Variants in SMARCD3 observed in about 807,000 individuals in gnomAD.
SMARCD3 encodes SWI/SNF-related matrix-associated actin-dependent regulator of chromatin subfamily D member 3.
In SMARCD3, 14 loss-of-function variants were observed where a neutral mutation model predicts 58.0. That is an observed-to-expected ratio of 0.24 (90% confidence interval 0.16 to 0.38). The LOEUF is 0.38. Ranked by LOEUF, SMARCD3 falls within the 10% of genes least tolerant of loss-of-function variation. SMARCD3 has a pLI of 1.00. For synonymous variants in SMARCD3, 253 were observed against 253.8 expected (o/e 1.00, Z 0.03); for missense variants, 408 against 636.9 (o/e 0.64, Z 3.87).
intron 2 of SMARCD3, among the ~76,000 whole-genome samples, chr7:151,271,201 G>A (rs528573209): frequency 5.9e-5 from 9 of 152,264 alleles, no homozygotes; most frequent in South Asian, 2.1e-4. Flanking sequence ...TGCACCAGCC[G>A]CACAATCCCT....
At chr7:151,253,032 T>C (rs755381898), upstream of SMARCD3, among the ~76,000 whole-genome samples, 2 of 152,198 alleles carry the variant, frequency 1.3e-5, no homozygotes, top group African/African-American at 2.4e-5. Context: ...TGTCCCTCAG[T>C]GTCCTCAGAA....
chr7:151,273,639 G>A (rs995997094), intron 2 of SMARCD3, among the ~76,000 whole-genome samples: 1 of 152,240 alleles, frequency 6.6e-6, no homozygotes, highest in Non-Finnish European at 1.5e-5. Context: ...CAGGTGCTGG[G>A]GAGGTGTTGG....
Position 151,245,833 on chromosome 7 carries a change from G to C in SMARCD3, c.79-162C>G. On this transcript the variant is annotated intron_variant, in intron 1 of 12. Coordinates refer to ENST00000262188, the MANE Select transcript of SMARCD3 (RefSeq NM_001003801.2). The surrounding 1 kb of genome is among the most constrained non-coding windows in gnomAD (Gnocchi z 6.2). ...TGGGAGCGATGGGTAGGAGGGGCAG[G>C]GGCGCCGGAATCTGCGCGGCTCTGG... is the stretch of plus-strand genomic sequence containing the variant. 2.6e-6 allele frequency: 1 copy of C among 383,124 alleles called. No homozygotes were observed. Among genetic ancestry groups the C allele is most frequent in the Non-Finnish European group, 4.6e-6 (1 of 216,278 alleles). The allele number at this position is 383,124 out of a possible 1,614,324, so 23.7% of individuals were successfully genotyped here.
In SMARCD3 at chr7:151,240,537, T is replaced by C; in HGVS notation, c.940-15A>G. 1 of 1,581,418 alleles carries C rather than the reference T, an allele frequency of 6.3e-7. No homozygotes were observed. The highest frequency in any genetic ancestry group is 8.7e-7 in the Non-Finnish European group (1 of 1,152,112). ...CAATCAAAAATCTGAAGCAGGACAA[T>C]TGGGGAGAGAGAGATCACTCTTCTT... On this transcript the variant is annotated splice_polypyrimidine_tract_variant and intron_variant, in intron 8 of 12. Coordinates refer to ENST00000262188, the MANE Select transcript of SMARCD3 (RefSeq NM_001003801.2).
At chr7:151,276,845 CA>C, upstream of SMARCD3, 1 of 85,896 alleles carries the variant, frequency 1.2e-5, no homozygotes, top group Non-Finnish European at 2.3e-5. Context: ...GGAAGCCAGG[CA>C]GGGGGAGGAG....
upstream of SMARCD3, among the ~76,000 whole-genome samples, chr7:151,253,411 C>A (rs943224540): frequency 6.6e-6 from 1 of 152,188 alleles, no homozygotes; most frequent in South Asian, 2.1e-4. Context: ...GCAGGGTGGG[C>A]CTTACCTTGG....
intron 2 of SMARCD3, among the ~76,000 whole-genome samples, chr7:151,257,171 G>A (rs369224496): frequency 1.3e-5 from 2 of 152,082 alleles, no homozygotes; most frequent in East Asian, 1.9e-4. Context: ...CATTTTAGGC[G>A]TGAGCCCCTG....
At chr7:151,253,469 G>C (rs1024673030), upstream of SMARCD3, among the ~76,000 whole-genome samples, 2 of 152,176 alleles carry the variant, frequency 1.3e-5, no homozygotes, top group African/African-American at 2.4e-5. Context: ...AAGGTTAGTG[G>C]AATGAATGAG....
upstream of SMARCD3, among the ~76,000 whole-genome samples, chr7:151,251,586 C>T (rs1353145321): frequency 6.6e-6 from 1 of 152,130 alleles, no homozygotes; most frequent in East Asian, 1.9e-4. Flanking sequence ...CCCAGAAGGG[C>T]GCTCGGTGTG....
chr7:151,242,134 T>C lies in SMARCD3; in HGVS notation c.675+3A>G, dbSNP rs775573319. 1.6e-5 allele frequency: 26 copies of C among 1,607,756 alleles called. No individual in the cohort carries two copies. In the Admixed American group the frequency reaches 4.3e-4, roughly 27 times the overall value. ...TCAAGGGCGGAGGGGCTCTTGGTCT[T>C]ACCTCAACGAGGTGGTTGTCAGGGC... On this transcript the variant is annotated splice_donor_region_variant and intron_variant, in intron 6 of 12. Transcript: ENST00000262188. The surrounding 1 kb of genome is among the most constrained non-coding windows in gnomAD (Gnocchi z 4.7).
chr7:151,239,333 G>A lies in SMARCD3; in HGVS notation c.1398+63C>T. On this transcript the variant is annotated intron_variant, in intron 12 of 12. Coordinates refer to ENST00000262188, the MANE Select transcript of SMARCD3 (RefSeq NM_001003801.2). The surrounding 1 kb of genome is among the most constrained non-coding windows in gnomAD (Gnocchi z 7.0). ...GAGCTGCGAGGGCTGCCCACAAGCT[G>A]AACAGGGAGGTTTCTCTTGGAGTTG... 6.9e-7 allele frequency: 1 copy of A among 1,438,960 alleles called. No individual in the cohort carries two copies. The allele number at this position is 1,438,960 out of a possible 1,614,324, so 89.1% of individuals were successfully genotyped here. A position where few individuals can be genotyped will look rare whatever the true frequency, so the allele number is the denominator to read the frequency against.
chr7:151,239,457 C>T lies in SMARCD3; in HGVS notation c.1337G>A (p.Arg446Gln), dbSNP rs147471635. The stretch of plus-strand genomic sequence containing the variant: ...CCAGGGCTGGTGGTAGAACTCAGCC[C>T]GGCGCTCCTCTTCAGGGTTGCCGGC... ...DVAGNPEEER[R>Q]AEFYHQPWSQ... Residue 446 changes from arginine (R) to glutamine (Q), a missense_variant, in exon 12 of 13, where the codon CGG (arginine) becomes CAG (glutamine). By Grantham distance (43) the Arg-to-Gln change is conservative. Around this residue, in one of 4 missense-constraint regions of SMARCD3, gnomAD observed 81 missense variants for 109.7 expected, o/e 0.74. Coordinates refer to ENST00000262188, the MANE Select transcript of SMARCD3 (RefSeq NM_001003801.2). The surrounding 1 kb of genome is among the most constrained non-coding windows in gnomAD (Gnocchi z 7.0). 7.4e-6 allele frequency: 12 copies of T among 1,613,694 alleles called. No individual in the cohort carries two copies. Among genetic ancestry groups the T allele is most frequent in the South Asian group, 5.5e-5 (5 of 91,090 alleles).
rs147080849 is a variant in SMARCD3, at chr7:151,240,619, G to A, written c.940-97C>T. 1.5e-3 allele frequency: 1,353 copies of A among 909,474 alleles called. 21 individuals carry two copies. The East Asian group carries it at 0.033, about 22-fold the overall frequency. The allele number at this position is 909,474 out of a possible 1,614,324, so 56.3% of individuals were successfully genotyped here. A position where few individuals can be genotyped will look rare whatever the true frequency, so the allele number is the denominator to read the frequency against. The stretch of plus-strand genomic sequence containing the variant: ...TGTTCTAGAAAGGCCACAAGAAGCT[G>A]AGAGGAAGTCTGATTCCTCAGTGCG... On this transcript the variant is annotated intron_variant, in intron 8 of 12. Coordinates refer to ENST00000262188, the MANE Select transcript of SMARCD3 (RefSeq NM_001003801.2).
chr7:151,248,771 C>T, upstream of SMARCD3: 3 of 905,872 alleles, frequency 3.3e-6, no homozygotes, highest in East Asian at 6.3e-5. This position sits in a 1 kb window ranked among gnomAD's most constrained non-coding sequence, Gnocchi z 6.1. Flanking sequence ...CCGCCGCCGC[C>T]GCCGCGGCTG....
chr7:151,248,348 C>G lies in SMARCD3; in HGVS notation c.78+137G>C, dbSNP rs219234. On this transcript the variant is annotated intron_variant, in intron 1 of 12. Transcript: ENST00000262188. The surrounding 1 kb of genome is among the most constrained non-coding windows in gnomAD (Gnocchi z 6.1). Reference sequence around the variant, plus strand: ...GTGCCAGGGCGCCAGCACAGTCCCGCGGCCGGGCCGTGGGCCATGACGCCC... The same window carrying G: ...GTGCCAGGGCGCCAGCACAGTCCCGGGGCCGGGCCGTGGGCCATGACGCCC... 714,748 of 754,248 alleles carry G rather than the reference C, an allele frequency of 0.95. 338,993 individuals are homozygous for G. The highest frequency in any genetic ancestry group is 0.97 in the African/African-American group (54,254 of 56,012). The allele number at this position is 754,248 out of a possible 1,614,324, so 46.7% of individuals were successfully genotyped here. A position where few individuals can be genotyped will look rare whatever the true frequency, so the allele number is the denominator to read the frequency against.
intron 2 of SMARCD3, among the ~76,000 whole-genome samples, chr7:151,244,153 A>G (rs539079636): frequency 6.6e-5 from 10 of 152,140 alleles, no homozygotes; most frequent in Non-Finnish European, 1.5e-4. Context: ...ACTCCTTCCT[A>G]TCCATGGAGC....
rs778405721 is a variant in SMARCD3 at position 151,240,246 on chromosome 7, C to T, written c.1039G>A (p.Val347Met). Residue 347 changes from valine to methionine, a missense_variant and splice_region_variant, in exon 10 of 13, where the codon GTG becomes ATG. Val to Met is a conservative substitution (Grantham distance 21). This residue lies in a region of SMARCD3 where 115 missense variants were observed against 257.2 expected (regional missense o/e 0.45). Coordinates refer to ENST00000262188, the MANE Select transcript of SMARCD3 (RefSeq NM_001003801.2). ...DPIVINHVIS[V>M]DPSDQKKTAC... ...GTCTTCTTCTGGTCTGAAGGGTCCA[C>T]GCTGCCAGGGAAGTCCAGCCCTTCG... 34 of 1,613,838 alleles carry T rather than the reference C, an allele frequency of 2.1e-5. No individual in the cohort carries two copies. Among genetic ancestry groups the T allele is most frequent in the Admixed American group, 5.0e-5 (3 of 59,994 alleles).
chr7:151,247,666 G>T (rs1173186624), intron 1 of SMARCD3, among the ~76,000 whole-genome samples: 1 of 151,824 alleles, frequency 6.6e-6, no homozygotes, highest in African/African-American at 2.4e-5. Flanking sequence ...CCCAAGAGTC[G>T]CAGCCCCTGC....
rs1803223158 is a variant in SMARCD3 at position 151,245,651 on chromosome 7, T to C, written c.99A>G (p.Gly33=). ...GCGCCCCCTGGTGGGGCATCCGGGC[T>C]CCAGACGGCATCCCGGGGCGCTGGG... is the stretch of plus-strand genomic sequence containing the variant. ...VHGVRPGMPS[G]ARMPHQGAPM... The change falls in exon 2 of 13, where the codon GGA becomes GGG. Residue 33 remains glycine (G), a synonymous_variant. Coordinates refer to ENST00000262188, the MANE Select transcript of SMARCD3 (RefSeq NM_001003801.2). The surrounding 1 kb of genome is among the most constrained non-coding windows in gnomAD (Gnocchi z 6.2). 9.6e-7 allele frequency: 1 copy of C among 1,039,088 alleles called. No homozygotes were observed. Among genetic ancestry groups the C allele is most frequent in the Non-Finnish European group, 1.2e-6 (1 of 820,552 alleles). The allele number at this position is 1,039,088 out of a possible 1,614,324, so 64.4% of individuals were successfully genotyped here. A position where few individuals can be genotyped will look rare whatever the true frequency, so the allele number is the denominator to read the frequency against.
Sources: allele counts gnomAD v4.1 joint callset (sites outside exome capture counted in the v4.1 genomes callset), GRCh38; gene constraint gnomAD v4.1.1; regional missense constraint gnomAD v4.1.1; non-coding constraint Gnocchi (gnomAD v3.1); transcripts MANE v1.5; gene names NCBI Gene and HGNC (gene_info 2026-07-23, HGNC 2026-07-21).